Variants in OVCA2 observed in about 807,000 individuals in gnomAD.
The protein encoded by OVCA2 is esterase OVCA2.
In OVCA2, 14 loss-of-function variants were observed where a neutral mutation model predicts 10.1. The observed-to-expected ratio is 1.39, with a 90% CI of 0.92 to 2.17. OVCA2 has a LOEUF of 2.17. Among genes scored for constraint, OVCA2 ranks in the 30% most tolerant of loss-of-function variants. The pLI, the probability that OVCA2 is intolerant of heterozygous loss-of-function variation, is 0.00. For synonymous variants in OVCA2, 201 were observed against 134.1 expected (o/e 1.50, Z -3.45); for missense variants, 376 against 300.5 (o/e 1.25, Z -1.86).
chr17:2,042,102 G>A lies in OVCA2; in HGVS notation c.55G>A (p.Glu19Lys), dbSNP rs1210475898. Residue 19 changes from glutamate to lysine, a missense_variant, in exon 1 of 2, where the codon GAG becomes AAG. By Grantham distance (56) the Glu-to-Lys change is moderately conservative. Transcript: ENST00000572195. ...VLCLAGFRQS[E>K]RGFREKTGAL... ...GTGCCTGGCGGGCTTCCGGCAGAGCGAGCGGGGCTTCCGTGAGAAGACCGG... is the reference window on the plus strand; with the variant it reads ...GTGCCTGGCGGGCTTCCGGCAGAGCAAGCGGGGCTTCCGTGAGAAGACCGG... 6.4e-6 allele frequency: 10 copies of A among 1,569,104 alleles called. No homozygotes were observed. Among genetic ancestry groups the A allele is most frequent in the African/African-American group, 1.4e-5 (1 of 72,616 alleles).
chr17:2,042,212 G>A lies in OVCA2; in HGVS notation c.165G>A (p.Glu55=), dbSNP rs1430590015. The A allele has an allele frequency of 4.9e-6, 7 of 1,431,938 alleles. No homozygotes were observed. Among genetic ancestry groups the A allele is most frequent in the Non-Finnish European group, 4.5e-6 (5 of 1,100,378 alleles). 88.7% of individuals were successfully genotyped at this position (1,431,938 alleles called of 1,614,324 possible). A position where few individuals can be genotyped will look rare whatever the true frequency, so the allele number is the denominator to read the frequency against. Residue 55 remains glutamate, a synonymous_variant, in exon 1 of 2, where the codon GAG becomes GAA. Transcript: ENST00000572195. ...CGGTCCCCGACCCCCCGGGCCCCGA[G>A]GGCGCCAGATCAGACTTCGGTGAGA... ...PHPVPDPPGP[E]GARSDFGSCP... is the part of the protein sequence containing the mutation.
rs1007876660 is a variant in OVCA2, at chr17:2,043,205, C to G, written c.*101C>G. ...CCTCCACTCACTGCTGTGAGTGCGC[C>G]TCACCAGAACCAGTTAAGAGACAAC... On this transcript the variant is annotated 3_prime_UTR_variant, in exon 2 of 2. Coordinates refer to ENST00000572195, the MANE Select transcript of OVCA2 (RefSeq NM_080822.3). The G allele has an allele frequency of 9.5e-6, 13 of 1,363,120 alleles. No individual in the cohort carries two copies. The Admixed American group carries it at 2.1e-4, about 22-fold the overall frequency. The allele number at this position is 1,363,120 out of a possible 1,614,324, so 84.4% of individuals were successfully genotyped here.
Position 2,042,231 on chromosome 17 carries a change from G to A in OVCA2, c.184G>A (p.Gly62Arg), listed in dbSNP as rs926770062. The A allele has an allele frequency of 1.4e-6, 2 of 1,421,632 alleles. No individual in the cohort carries two copies. The highest frequency in any genetic ancestry group is 1.8e-6 in the Non-Finnish European group (2 of 1,094,798). 88.1% of individuals were successfully genotyped at this position (1,421,632 alleles called of 1,614,324 possible). ...CCCCGAGGGCGCCAGATCAGACTTCGGTGAGACAAGCCCCGCTCCGGAAAC... is the reference window on the plus strand; with the variant it reads ...CCCCGAGGGCGCCAGATCAGACTTCAGTGAGACAAGCCCCGCTCCGGAAAC... ...PGPEGARSDF[G>R]SCPPEEQPRG... The change falls in exon 1 of 2, where the codon GGG becomes AGG. Residue 62 changes from glycine to arginine, a missense_variant and splice_region_variant. By Grantham distance (125) the Gly-to-Arg change is moderately radical. Coordinates refer to ENST00000572195, the MANE Select transcript of OVCA2 (RefSeq NM_080822.3).
Position 2,042,657 on chromosome 17 carries a change from G to A in OVCA2, c.237G>A (p.Glu79=). 6.6e-7 allele frequency: 1 copy of A among 1,524,624 alleles called. No individual in the cohort carries two copies. Among genetic ancestry groups the A allele is most frequent in the Non-Finnish European group, 8.8e-7 (1 of 1,139,844 alleles). 94.4% of individuals were successfully genotyped at this position (1,524,624 alleles called of 1,614,324 possible). The change falls in exon 2 of 2, where the codon GAG becomes GAA. Residue 79 remains glutamate, a synonymous_variant. Coordinates refer to ENST00000572195, the MANE Select transcript of OVCA2 (RefSeq NM_080822.3). ...GAGGCTGGTGGTTTTCAGAGCAGGA[G>A]GCCGACGTTTTCTCCGCATTGGAAG... is the stretch of plus-strand genomic sequence containing the variant. ...QPRGWWFSEQ[E]ADVFSALEEP... is the part of the protein sequence containing the mutation.
chr17:2,042,199 C>A lies in OVCA2; in HGVS notation c.152C>A (p.Pro51His). The change falls in exon 1 of 2, where the codon CCC becomes CAC. Residue 51 changes from proline (P) to histidine (H), a missense_variant. By Grantham distance (77) the Pro-to-His change is moderately conservative. Transcript: ENST00000572195. ...AGCGGCCCGCACCCGGTCCCCGACC[C>A]CCCGGGCCCCGAGGGCGCCAGATCA... is the stretch of plus-strand genomic sequence containing the variant. Reference protein sequence around the residue: ...CLSGPHPVPDPPGPEGARSDF... With the variant: ...CLSGPHPVPDHPGPEGARSDF... 1.4e-6 allele frequency: 2 copies of A among 1,432,910 alleles called. No homozygotes were observed. The highest frequency in any genetic ancestry group is 1.4e-5 in the South Asian group (1 of 69,246). 88.8% of individuals were successfully genotyped at this position (1,432,910 alleles called of 1,614,324 possible). A position where few individuals can be genotyped will look rare whatever the true frequency, so the allele number is the denominator to read the frequency against.
rs1291202807 is a variant in OVCA2 at position 2,042,917 on chromosome 17, C to T, written c.497C>T (p.Pro166Leu). 6.2e-7 allele frequency: 1 copy of T among 1,614,154 alleles called. No individual in the cohort carries two copies. Among genetic ancestry groups the T allele is most frequent in the Non-Finnish European group, 8.5e-7 (1 of 1,180,034 alleles). ...TTCAAGGAATCCATCCTGCAAAGGC[C>T]CTTGTCATTGCCTTCGCTCCATGTT... ...IGFKESILQR[P>L]LSLPSLHVFG... is the part of the protein sequence containing the mutation. Residue 166 changes from proline (P) to leucine (L), a missense_variant, in exon 2 of 2, where the codon CCC becomes CTC. Physicochemically the swap from Pro to Leu is moderately conservative, Grantham distance 98 (BLOSUM62 -3). Transcript: ENST00000572195.
chr17:2,042,031 G>T lies in OVCA2; in HGVS notation c.-17G>T, dbSNP rs2067540617. The T allele has an allele frequency of 2.0e-6, 3 of 1,502,518 alleles. No individual in the cohort carries two copies. The highest frequency in any genetic ancestry group is 1.8e-6 in the Non-Finnish European group (2 of 1,130,210). The allele number at this position is 1,502,518 out of a possible 1,614,324, so 93.1% of individuals were successfully genotyped here. On this transcript the variant is annotated 5_prime_UTR_variant, in exon 1 of 2. Transcript: ENST00000572195. The stretch of plus-strand genomic sequence containing the variant: ...AAAGACCGCTTCCGGTGCTTCCGTC[G>T]CTCCTTGCCGGGCATAATGGCCGCG...
chr17:2,042,944 T>C lies in OVCA2; in HGVS notation c.524T>C (p.Phe175Ser), dbSNP rs2067571888. 5 of 1,614,182 alleles carry C rather than the reference T, an allele frequency of 3.1e-6. No homozygotes were observed. Among genetic ancestry groups the C allele is most frequent in the Non-Finnish European group, 2.5e-6 (3 of 1,180,036 alleles). ...RPLSLPSLHV[F>S]GDTDKVIPSQ... ...TTGTCATTGCCTTCGCTCCATGTTT[T>C]TGGGGACACTGACAAAGTCATCCCC... The change falls in exon 2 of 2, where the codon TTT becomes TCT. Residue 175 changes from phenylalanine (F) to serine (S), a missense_variant. By Grantham distance (155) the Phe-to-Ser change is radical. Coordinates refer to ENST00000572195, the MANE Select transcript of OVCA2 (RefSeq NM_080822.3).
Position 2,042,205 on chromosome 17 carries a change from G to C in OVCA2, c.158G>C (p.Gly53Ala). 7.0e-7 allele frequency: 1 copy of C among 1,432,880 alleles called. No individual in the cohort carries two copies. The highest frequency in any genetic ancestry group is 1.4e-5 in the South Asian group (1 of 69,090). The allele number at this position is 1,432,880 out of a possible 1,614,324, so 88.8% of individuals were successfully genotyped here. A position where few individuals can be genotyped will look rare whatever the true frequency, so the allele number is the denominator to read the frequency against. ...CCGCACCCGGTCCCCGACCCCCCGG[G>C]CCCCGAGGGCGCCAGATCAGACTTC... is the stretch of plus-strand genomic sequence containing the variant. ...SGPHPVPDPP[G>A]PEGARSDFGS... The change falls in exon 1 of 2, where the codon GGC becomes GCC. Residue 53 changes from glycine (G) to alanine (A), a missense_variant. Gly to Ala is a moderately conservative substitution (Grantham distance 60). Transcript: ENST00000572195.
intron 1 of OVCA2, 60 bp downstream of exon 1, chr17:2,042,291 C>G: frequency 7.2e-7 from 1 of 1,397,560 alleles, no homozygotes; most frequent in Non-Finnish European, 9.2e-7. Context: ...TCGTCCCCCT[C>G]GACACCCTTC....
chr17:2,043,038 C>A lies in OVCA2; in HGVS notation c.618C>A (p.His206Gln). ...GAITLTHSGG[H>Q]FIPAAAPQRQ... ...TCACCCTCACCCACTCTGGTGGCCA[C>A]TTCATTCCAGCAGCTGCACCCCAGC... Residue 206 changes from histidine to glutamine, a missense_variant, in exon 2 of 2, where the codon CAC (histidine) becomes CAA (glutamine). By Grantham distance (24) the His-to-Gln change is conservative. Transcript: ENST00000572195. 9 of 1,614,076 alleles carry A rather than the reference C, an allele frequency of 5.6e-6. No homozygotes were observed. Among genetic ancestry groups the A allele is most frequent in the Non-Finnish European group, 7.6e-6 (9 of 1,180,032 alleles).
chr17:2,042,609 C>G lies in OVCA2; in HGVS notation c.189C>G (p.Ser63=). Residue 63 remains serine, a synonymous_variant, in exon 2 of 2, where the codon TCC becomes TCG. Coordinates refer to ENST00000572195, the MANE Select transcript of OVCA2 (RefSeq NM_080822.3). ...GPEGARSDFG[S]CPPEEQPRGW... ...TTTTTCCTCATATCGCTGTAGGGTC[C>G]TGCCCTCCGGAGGAGCAGCCTCGAG... The G allele has an allele frequency of 6.6e-7, 1 of 1,519,088 alleles. No individual in the cohort carries two copies. Among genetic ancestry groups the G allele is most frequent in the Non-Finnish European group, 8.8e-7 (1 of 1,136,596 alleles). 94.1% of individuals were successfully genotyped at this position (1,519,088 alleles called of 1,614,324 possible). A position where few individuals can be genotyped will look rare whatever the true frequency, so the allele number is the denominator to read the frequency against.
At position 2,042,939 on chromosome 17, in the gene OVCA2, T is replaced by A. The variant is rs1029257165; in HGVS notation, c.519T>A (p.His173Gln). The change falls in exon 2 of 2, where the codon CAT becomes CAA. Residue 173 changes from histidine (H) to glutamine (Q), a missense_variant. His to Gln is a conservative substitution (Grantham distance 24, BLOSUM62 0). Transcript: ENST00000572195. ...LQRPLSLPSLHVFGDTDKVIP... is the reference protein window; with the variant it reads ...LQRPLSLPSLQVFGDTDKVIP... ...GGCCCTTGTCATTGCCTTCGCTCCA[T>A]GTTTTTGGGGACACTGACAAAGTCA... 1 of 1,614,164 alleles carries A rather than the reference T, an allele frequency of 6.2e-7. No homozygotes were observed. Among genetic ancestry groups the A allele is most frequent in the Non-Finnish European group, 8.5e-7 (1 of 1,180,026 alleles).
At position 2,043,333 on chromosome 17, in the gene OVCA2, A is replaced by G. The variant is rs1051001480; in HGVS notation, c.*229A>G. ...TTGACTTGTGAAAACGCAAACATGA[A>G]TATGGTTGGAGAGCCCTGGATTAGG... On this transcript the variant is annotated 3_prime_UTR_variant, in exon 2 of 2. Transcript: ENST00000572195. 2.9e-5 allele frequency: 16 copies of G among 545,510 alleles called. No individual in the cohort carries two copies. The highest frequency in any genetic ancestry group is 5.7e-5 in the African/African-American group (3 of 52,946). 33.8% of individuals were successfully genotyped at this position (545,510 alleles called of 1,614,324 possible).
At chr17:2,042,496 G>C (rs2067559077) in intron 1 of OVCA2, 109 bp from the exon 2 acceptor site, 17 of 1,411,918 alleles carry the variant, frequency 1.2e-5, no homozygotes, top group Non-Finnish European at 1.4e-5. Flanking sequence ...CTTTTGCCTC[G>C]ATTCCCTTTT....
Position 2,042,722 on chromosome 17 carries a change from TG to T in OVCA2, c.304del (p.Val102TrpfsTer5). ...AGGGGCCTGGAGGAATCACTGGGGA[TG>T]GTGGCACAGGCACTGAACAGGCTGG... ...VCRGLEESLG[M>X]VAQALNRLGP... On this transcript the variant is annotated frameshift_variant, in exon 2 of 2. Transcript: ENST00000572195. LOFTEE classifies it high-confidence loss of function. 2.6e-6 allele frequency: 4 copies of T among 1,564,088 alleles called. No individual in the cohort carries two copies. Among genetic ancestry groups the T allele is most frequent in the Non-Finnish European group, 3.5e-6 (4 of 1,157,244 alleles).
At chr17:2,042,395 C>T (rs2067555473) in intron 1 of OVCA2, 164 bp downstream of exon 1, 7 of 1,277,138 alleles carry the variant, frequency 5.5e-6, no homozygotes, top group Non-Finnish European at 7.1e-6. Flanking sequence ...AAACTGCAGC[C>T]TGTCCTCCCA....
rs1329142522 is a variant in OVCA2 at position 2,043,140 on chromosome 17, C to T, written c.*36C>T. 1.9e-6 allele frequency: 3 copies of T among 1,594,412 alleles called. No homozygotes were observed. The highest frequency in any genetic ancestry group is 2.2e-5 in the South Asian group (2 of 89,194). On this transcript the variant is annotated 3_prime_UTR_variant, in exon 2 of 2. Coordinates refer to ENST00000572195, the MANE Select transcript of OVCA2 (RefSeq NM_080822.3). ...AATGTCTCTGCTCCTACATCCAGCT[C>T]CTCTAGGGGCAGCCTCCGTCATCCA...
intron 1 of OVCA2, 67 bp from the exon 2 acceptor site, chr17:2,042,534 CCTTT>C: frequency 6.7e-7 from 1 of 1,483,080 alleles, no homozygotes; most frequent in African/African-American, 1.4e-5. Context: ...ACCCTCCTGC[CCTTT>C]CTCATTTCTT....
Sources: allele counts gnomAD v4.1 joint callset, GRCh38; gene constraint gnomAD v4.1.1; transcripts MANE v1.5; gene names NCBI Gene and HGNC (gene_info 2026-07-23, HGNC 2026-07-21).